CFAP36: variants seen among roughly 807,000 people sequenced by gnomAD.
CFAP36 encodes cilia and flagella associated protein 36, also known as cilia- and flagella-associated protein 36.
A neutral mutation model predicts 50.5 loss-of-function variants in CFAP36; 37 were observed. The observed-to-expected ratio is 0.73, with a 90% confidence interval of 0.56 to 0.96. The LOEUF is 0.96. CFAP36 is among the 50% of genes least tolerant of loss of function. The pLI, the probability that CFAP36 is intolerant of heterozygous loss-of-function variation, is 0.00. For synonymous variants in CFAP36, 138 were observed against 128.2 expected, an observed-to-expected ratio of 1.08 and a Z score of -0.52; for missense variants, 407 against 396.2, an observed-to-expected ratio of 1.03 and a Z score of -0.23.
intron 6 of CFAP36, chr2:55,536,039 G>C (rs999498897): frequency 1.3e-4 from 63 of 487,416 alleles, no homozygotes; most frequent in African/African-American, 1.2e-3. Context: ...ATAAGCAAGA[G>C]TAGTCATTTT....
At chr2:55,521,383 A>C (rs1684057561) in intron 1 of CFAP36, among the ~76,000 whole-genome samples, 1 of 152,084 alleles carries the variant, frequency 6.6e-6, no homozygotes, top group Non-Finnish European at 1.5e-5. Context: ...ACTTTCAGTA[A>C]CATTTACATC....
chr2:55,525,843 G>T (rs977655429), intron 3 of CFAP36, among the ~76,000 whole-genome samples: 9 of 152,144 alleles, frequency 5.9e-5, no homozygotes, highest in Admixed American at 4.6e-4. Flanking sequence ...TGTTGGCCAA[G>T]CTGGAACACC....
chr2:55,530,770 G>A (rs76943023), intron 4 of CFAP36, among the ~76,000 whole-genome samples: 1 of 152,140 alleles, frequency 6.6e-6, no homozygotes, highest in Admixed American at 6.5e-5. Flanking sequence ...GTCTTCGTTA[G>A]CTCAATAGAT....
intron 3 of CFAP36, among the ~76,000 whole-genome samples, chr2:55,527,803 T>C (rs2103641468): frequency 6.6e-6 from 1 of 151,776 alleles, no homozygotes; most frequent in Non-Finnish European, 1.5e-5. Context: ...CACAACATAA[T>C]TAAACTGGAA....
chr2:55,534,064 C>A, intron 5 of CFAP36, 104 bp downstream of exon 5: 1 of 552,836 alleles, frequency 1.8e-6, no homozygotes, highest in South Asian at 3.3e-5. Context: ...TTGCTAAATT[C>A]TCTACTGAAA....
chr2:55,533,364 T>C (rs143740744), intron 4 of CFAP36, among the ~76,000 whole-genome samples: 1 of 152,228 alleles, frequency 6.6e-6, no homozygotes, highest in East Asian at 1.9e-4. Flanking sequence ...AGTGTGGGGT[T>C]TTTGGTGGGG....
chr2:55,543,386 G>C (rs1263728717), intron 7 of CFAP36, among the ~76,000 whole-genome samples: 1 of 152,044 alleles, frequency 6.6e-6, no homozygotes, highest in Admixed American at 6.6e-5. Context: ...GCTTGCTTTA[G>C]AAATCTTTAC....
chr2:55,542,716 C>A (rs1684666767), intron 7 of CFAP36, among the ~76,000 whole-genome samples: 1 of 152,182 alleles, frequency 6.6e-6, no homozygotes, highest in African/African-American at 2.4e-5. Context: ...GTATGGGTTC[C>A]CCCCTCCTCA....
At chr2:55,524,735 A>T (rs1036742814) in intron 3 of CFAP36, among the ~76,000 whole-genome samples, 5 of 152,054 alleles carry the variant, frequency 3.3e-5, no homozygotes, top group African/African-American at 1.2e-4. Context: ...TAATCCCAGT[A>T]CTTTGGGAGG....
rs758223598 is a variant in CFAP36, at chr2:55,544,037, C to G, written c.740C>G (p.Pro247Arg). 4 of 1,613,950 alleles carry G rather than the reference C, an allele frequency of 2.5e-6. No individual in the cohort carries two copies. Among genetic ancestry groups the G allele is most frequent in the Non-Finnish European group, 3.4e-6 (4 of 1,179,942 alleles). ...SSLPQKDLKI[P>R]GLEHASIEGP... is the part of the protein sequence containing the mutation. ...CTCCCACAAAAAGACCTGAAGATTC[C>G]TGGCTTAGAGCATGCGAGCATTGAA... The change falls in exon 8 of 10, where the codon CCT becomes CGT. Residue 247 changes from proline (P) to arginine (R), a missense_variant. Pro to Arg is a moderately radical substitution (Grantham distance 103). Transcript: ENST00000349456.
At chr2:55,527,351 G>C (rs938305486) in intron 3 of CFAP36, among the ~76,000 whole-genome samples, 2 of 152,060 alleles carry the variant, frequency 1.3e-5, no homozygotes, top group African/African-American at 4.8e-5. Context: ...GGGAGGCCGA[G>C]GTGGGTGGAT....
At chr2:55,532,443 C>T (rs555760623) in intron 4 of CFAP36, among the ~76,000 whole-genome samples, 58 of 152,140 alleles carry the variant, frequency 3.8e-4, no homozygotes, top group South Asian at 1.9e-3. Flanking sequence ...GTACTTCATA[C>T]TGTTGTGTTA....
intron 1 of CFAP36, among the ~76,000 whole-genome samples, chr2:55,521,688 G>T (rs1169182131): frequency 6.7e-6 from 1 of 150,238 alleles, no homozygotes; most frequent in Non-Finnish European, 1.5e-5. Context: ...GGAGTGCAGT[G>T]GTGCAATCTT....
chr2:55,543,871 A>T (rs1684703350), intron 7 of CFAP36, 67 bp from the exon 8 acceptor site: 1 of 1,451,242 alleles, frequency 6.9e-7, no homozygotes, highest in Non-Finnish European at 9.6e-7. Flanking sequence ...ATTTCGGTAA[A>T]CCTAGCCTAA....
At chr2:55,522,459 C>T (rs1028818435) in intron 2 of CFAP36, among the ~76,000 whole-genome samples, 5 of 151,994 alleles carry the variant, frequency 3.3e-5, no homozygotes, top group African/African-American at 1.2e-4. Context: ...ATTAATTATT[C>T]ACTTCGTCAT....
chr2:55,525,050 A>G (rs1049710849), intron 3 of CFAP36, among the ~76,000 whole-genome samples: 1 of 152,122 alleles, frequency 6.6e-6, no homozygotes, highest in African/African-American at 2.4e-5. Flanking sequence ...CAAAGTCCAC[A>G]GCTAAATAAG....
At chr2:55,535,794 T>C (rs1558912670) in intron 6 of CFAP36, 31 bp downstream of exon 6, 2 of 1,541,540 alleles carry the variant, frequency 1.3e-6, no homozygotes, top group Non-Finnish European at 8.7e-7. Flanking sequence ...AGAAGTATTT[T>C]ATTGCTGTTA....
chr2:55,540,458 A>G (rs572452583), intron 7 of CFAP36, among the ~76,000 whole-genome samples: 1 of 152,126 alleles, frequency 6.6e-6, no homozygotes, highest in Non-Finnish European at 1.5e-5. Context: ...CTGTTGATCT[A>G]TTTCTCCATT....
intron 7 of CFAP36, among the ~76,000 whole-genome samples, chr2:55,542,341 CATATCTGAT>C (rs1684658431): frequency 6.6e-6 from 1 of 152,124 alleles, no homozygotes; most frequent in Non-Finnish European, 1.5e-5. Flanking sequence ...TTCAAATGCG[CATATCTGAT>C]ATTTCAGAGA....
Sources: gnomAD v4.1 joint callset for allele counts (sites outside exome capture counted in the v4.1 genomes callset) on GRCh38, gnomAD v4.1.1 for gene constraint, MANE v1.5 for transcripts, NCBI Gene and HGNC (gene_info 2026-07-23, HGNC 2026-07-21) for gene names.